GPR89B: variants seen among roughly 807,000 people sequenced by gnomAD.
The protein encoded by GPR89B is G protein-coupled receptor 89B.
GPR89B carries 25 observed loss-of-function variants against 52.4 expected under a neutral mutation model. The ratio of observed to expected loss-of-function variants is 0.48; its 90% CI spans 0.35 to 0.67. The LOEUF (loss-of-function observed/expected upper bound fraction) is 0.67. Ranked by LOEUF, GPR89B falls within the 30% of genes least tolerant of loss-of-function variation. The pLI is 0.01. For missense variants in GPR89B, 146 were observed against 450.2 expected (o/e 0.32, Z 6.11); for synonymous variants, 52 against 151.2 (o/e 0.34, Z 4.81).
At chr1:147,935,625 GTAAGA>G in intron 1 of GPR89B, among the ~76,000 whole-genome samples, 1 of 152,290 alleles carries the variant, frequency 6.6e-6, no homozygotes, top group South Asian at 2.1e-4. Context: ...GGTGGAGAAG[GTAAGA>G]AAACTCTCTG....
chr1:147,989,427 CTTTTTTT>C (rs1170851684), intron 12 of GPR89B, among the ~76,000 whole-genome samples: 12 of 139,432 alleles, frequency 8.6e-5, no homozygotes, highest in African/African-American at 2.6e-4. Context: ...CAACTATTTT[CTTTTTTT>C]TTTTTTTTAA....
chr1:147,950,786 A>T (rs1436708076), intron 5 of GPR89B, among the ~76,000 whole-genome samples: 1 of 152,184 alleles, frequency 6.6e-6, no homozygotes, highest in Non-Finnish European at 1.5e-5. Flanking sequence ...TACGAAAACC[A>T]GTCAGGCGTG....
chr1:147,956,592 G>A (rs1171531505), intron 7 of GPR89B, among the ~76,000 whole-genome samples: 19 of 151,954 alleles, frequency 1.3e-4, no homozygotes, highest in Non-Finnish European at 1.5e-5. Flanking sequence ...GGATAAATTT[G>A]ACCAAGGGGG....
chr1:147,947,204 G>A (rs1183259402), intron 5 of GPR89B, among the ~76,000 whole-genome samples: 6 of 152,092 alleles, frequency 3.9e-5, no homozygotes, highest in Non-Finnish European at 2.9e-5. Flanking sequence ...GCATGGTGGT[G>A]CATGCCTGTA....
At chr1:147,929,675 A>T (rs1259013092) in intron 1 of GPR89B, among the ~76,000 whole-genome samples, 1 of 151,194 alleles carries the variant, frequency 6.6e-6, no homozygotes, top group Non-Finnish European at 1.5e-5. Flanking sequence ...TCATCCTAAT[A>T]CTCGTCTCCG....
downstream of GPR89B, among the ~76,000 whole-genome samples, chr1:147,995,285 C>T (rs1659288594): frequency 1.3e-5 from 2 of 150,078 alleles, no homozygotes; most frequent in South Asian, 4.3e-4. Context: ...ATGACAGAAC[C>T]AGAATTCATA....
the GPR89B span, among the ~76,000 whole-genome samples, chr1:148,018,189 C>T: frequency 2.8e-5 from 4 of 142,290 alleles, 1 homozygote; most frequent in South Asian, 7.1e-4. Flanking sequence ...GAGGCCGAGG[C>T]GGGCGGATCA....
intron 10 of GPR89B, among the ~76,000 whole-genome samples, chr1:147,972,636 C>T (rs1421889617): frequency 6.6e-6 from 1 of 151,552 alleles, no homozygotes; most frequent in Non-Finnish European, 1.5e-5. Context: ...GATGAATTAT[C>T]TGTTCAAATC....
chr1:147,989,434 T>C (rs1658898290), intron 12 of GPR89B, among the ~76,000 whole-genome samples: 2 of 152,038 alleles, frequency 1.3e-5, no homozygotes, highest in African/African-American at 4.8e-5. Context: ...TTTCTTTTTT[T>C]TTTTTTTTAA....
intron 7 of GPR89B, among the ~76,000 whole-genome samples, chr1:147,962,746 A>T (rs1656692196): frequency 6.6e-6 from 1 of 151,722 alleles, no homozygotes; most frequent in African/African-American, 2.4e-5. Flanking sequence ...AAAATACAAA[A>T]AATTAGCCCG....
Position 147,949,744 on chromosome 1 carries a change from A to G in GPR89B, c.416-3601A>G, listed in dbSNP as rs1172961890. On this transcript the variant is annotated intron_variant, in intron 5 of 13. Transcript: ENST00000314163. Reference sequence around the variant, plus strand: ...GGGATCCTCACTTCCCAGTAGGGGCAGCCGGGCAGAGGCGCCCCTCACCTC... The same window carrying G: ...GGGATCCTCACTTCCCAGTAGGGGCGGCCGGGCAGAGGCGCCCCTCACCTC... Among the ~76,000 whole-genome samples the G allele has an allele frequency of 4.8e-3, 467 of 97,486 alleles. 2 individuals carry two copies. Among genetic ancestry groups the G allele is most frequent in the Middle Eastern group, 0.036 (4 of 110 alleles). 64.0% of individuals were successfully genotyped at this position (97,486 alleles called of 152,430 possible).
intron 5 of GPR89B, among the ~76,000 whole-genome samples, chr1:147,946,325 AC>A (rs1455193975): frequency 4.6e-5 from 7 of 152,180 alleles, no homozygotes; most frequent in African/African-American, 1.4e-4. Flanking sequence ...CTGACACATA[AC>A]AAGTGTTTAA....
the GPR89B span, chr1:148,009,557 C>T: frequency 3.2e-6 from 5 of 1,542,042 alleles, no homozygotes; most frequent in Non-Finnish European, 4.5e-6. Context: ...CTAGTAAAGT[C>T]ACTGAATTCC....
chr1:147,951,086 T>C (rs1267107019), intron 5 of GPR89B, among the ~76,000 whole-genome samples: 3 of 151,812 alleles, frequency 2.0e-5, no homozygotes, highest in Non-Finnish European at 4.4e-5. Context: ...GGAAAACTTA[T>C]TACCATAGTG....
At chr1:147,970,561 C>T (rs1207860905) in intron 10 of GPR89B, among the ~76,000 whole-genome samples, 4 of 136,978 alleles carry the variant, frequency 2.9e-5, no homozygotes, top group Admixed American at 1.5e-4. Flanking sequence ...CTCTATCTCT[C>T]TCTCTCTCTA....
the GPR89B span, chr1:148,009,392 A>T: frequency 6.2e-7 from 1 of 1,612,012 alleles, no homozygotes; most frequent in African/African-American, 1.3e-5. Flanking sequence ...CCTTCACGAG[A>T]TAGCAGAGCC....
the GPR89B span, among the ~76,000 whole-genome samples, chr1:147,999,265 A>G: frequency 2.0e-5 from 3 of 152,014 alleles, no homozygotes; most frequent in East Asian, 5.8e-4. Flanking sequence ...GCCAAAAGCT[A>G]TCTCCCTATG....
At position 147,950,920 on chromosome 1, in the gene GPR89B, G is replaced by A. The variant is rs1179579870; in HGVS notation, c.416-2425G>A. On this transcript the variant is annotated intron_variant, in intron 5 of 13. Coordinates refer to ENST00000314163, the MANE Select transcript of GPR89B (RefSeq NM_016334.5). ...TTCGGCTCAGCATCAGTGGGAGACC[G>A]TGGAAAGAGAGGGAGAGGGAGACCG... 1.7e-4 allele frequency among the ~76,000 whole-genome samples: 26 copies of A among 152,038 alleles called. No individual in the cohort carries two copies. The East Asian group carries it at 1.9e-3, about 11-fold the overall frequency.
chr1:147,931,898 G>T (rs587767910), intron 1 of GPR89B, among the ~76,000 whole-genome samples: 1 of 152,186 alleles, frequency 6.6e-6, no homozygotes, highest in African/African-American at 2.4e-5. Context: ...CATCTGTGTT[G>T]CTGCAAAGGA....
Sources: gnomAD v4.1 joint callset for allele counts (sites outside exome capture counted in the v4.1 genomes callset) on GRCh38, gnomAD v4.1.1 for gene constraint, MANE v1.5 for transcripts, NCBI Gene and HGNC (gene_info 2026-07-23, HGNC 2026-07-21) for gene names.